SMYD4: variants seen among roughly 807,000 people sequenced by gnomAD.
SMYD4 encodes the protein protein-lysine N-methyltransferase SMYD4.
SMYD4 carries 68 observed loss-of-function variants against 72.8 expected under a neutral mutation model. That is an observed-to-expected ratio of 0.93 (90% CI 0.77 to 1.14). The LOEUF (loss-of-function observed/expected upper bound fraction) is 1.14. SMYD4 is among the 50% of genes most tolerant of loss of function. The probability of loss-of-function intolerance (pLI) is 0.00; values close to 1 mark genes in which losing one functional copy is unlikely to be tolerated. For missense variants in SMYD4, 984 were observed against 1,003.7 expected (o/e 0.98, Z 0.27); for synonymous variants, 407 against 388.6 (o/e 1.05, Z -0.56).
chr17:1,780,465 C>T lies in SMYD4; in HGVS notation c.*821G>A, dbSNP rs906576617. 2 of 152,242 alleles carry T rather than the reference C, an allele frequency of 1.3e-5. No homozygotes were observed. The highest frequency in any genetic ancestry group is 4.8e-5 in the African/African-American group (2 of 41,410). The allele number at this position is 152,242 out of a possible 1,614,324, so 9.4% of individuals were successfully genotyped here. A position where few individuals can be genotyped will look rare whatever the true frequency, so the allele number is the denominator to read the frequency against. ...CTCCTGGGCTCAAGTGATCCTCCCA[C>T]CTCAGCGTCTCAAAGTACTGGGATT... On this transcript the variant is annotated 3_prime_UTR_variant, in exon 11 of 11. Coordinates refer to ENST00000305513, the MANE Select transcript of SMYD4 (RefSeq NM_052928.3).
chr17:1,793,274 C>G (rs1416819815), intron 5 of SMYD4, among the ~76,000 whole-genome samples: 4 of 152,092 alleles, frequency 2.6e-5, no homozygotes, highest in Admixed American at 2.6e-4. Context: ...GAGATATTCC[C>G]TCATTTTGTC....
At chr17:1,829,567 G>A (rs1911411453) in intron 1 of SMYD4, 159 bp downstream of exon 1, 1 of 152,180 alleles carries the variant, frequency 6.6e-6, no homozygotes, top group South Asian at 2.1e-4. Context: ...TTCCCTTTCG[G>A]AGACCCCCCA....
chr17:1,804,691 T>C lies in SMYD4; in HGVS notation c.304A>G (p.Thr102Ala). Residue 102 changes from threonine to alanine, a missense_variant, in exon 4 of 11, where the codon ACT becomes GCT. Physicochemically the swap from Thr to Ala is moderately conservative, Grantham distance 58 (BLOSUM62 0). Coordinates refer to ENST00000305513, the MANE Select transcript of SMYD4 (RefSeq NM_052928.3). ...GCATGACACAGTGACATGTCCTCAG[T>C]GTTAGGCCTTGAATGTGACACTCCC... is the stretch of plus-strand genomic sequence containing the variant. ...SKGVSHSRPNTEDMSLCHANR... is the reference protein window; with the variant it reads ...SKGVSHSRPNAEDMSLCHANR... The C allele has an allele frequency of 1.2e-6, 2 of 1,613,550 alleles. No individual in the cohort carries two copies. The highest frequency in any genetic ancestry group is 1.7e-6 in the Non-Finnish European group (2 of 1,179,628).
At chr17:1,809,438 G>A (rs1433913934) in intron 3 of SMYD4, among the ~76,000 whole-genome samples, 1 of 150,992 alleles carries the variant, frequency 6.6e-6, no homozygotes, top group Non-Finnish European at 1.5e-5. Context: ...GCAGTGGTGC[G>A]ATCTCGGCTC....
At chr17:1,827,507 AGCTGAG>A (rs1308083771) in intron 2 of SMYD4, among the ~76,000 whole-genome samples, 7 of 152,242 alleles carry the variant, frequency 4.6e-5, no homozygotes, top group Non-Finnish European at 8.8e-5. Flanking sequence ...AAGATGGCCC[AGCTGAG>A]GCTCAGGGAG....
intron 3 of SMYD4, among the ~76,000 whole-genome samples, chr17:1,808,212 C>A (rs191927954): frequency 6.6e-6 from 1 of 152,126 alleles, no homozygotes; most frequent in Admixed American, 6.6e-5. Flanking sequence ...ATTATGATCC[C>A]GAACAATTTG....
In SMYD4 at chr17:1,820,603, G is replaced by C. The variant is rs1010769887; in HGVS notation, c.134+7258C>G. On this transcript the variant is annotated intron_variant, in intron 2 of 10. Transcript: ENST00000305513. ...GAGCACGTCCTTGTTTTCTGACACA[G>C]GTTATTCCAGTTGAATCAGCACAAA... Among the ~76,000 whole-genome samples the C allele has an allele frequency of 2.4e-4, 37 of 152,100 alleles. 1 individual carries two copies. The highest frequency in any genetic ancestry group is 8.7e-4 in the African/African-American group (36 of 41,406).
At chr17:1,786,716 A>C (rs958882074) in intron 7 of SMYD4, 94 bp downstream of exon 7, 1 of 1,499,240 alleles carries the variant, frequency 6.7e-7, no homozygotes. Context: ...CTCAGCACTT[A>C]CAAGTCCCTG....
At chr17:1,784,216 A>G (rs1597364434) in intron 8 of SMYD4, 110 bp downstream of exon 8, 2 of 1,513,220 alleles carry the variant, frequency 1.3e-6, no homozygotes. Flanking sequence ...TGGCATGGGG[A>G]TAATTACATC....
At chr17:1,790,357 T>C (rs1483561213) in intron 5 of SMYD4, among the ~76,000 whole-genome samples, 1 of 152,192 alleles carries the variant, frequency 6.6e-6, no homozygotes, top group Non-Finnish European at 1.5e-5. Flanking sequence ...TAAAAATTAC[T>C]CAGTATTGTG....
At chr17:1,809,564 A>G (rs1323870806) in intron 3 of SMYD4, among the ~76,000 whole-genome samples, 1 of 147,196 alleles carries the variant, frequency 6.8e-6, no homozygotes, top group Admixed American at 6.9e-5. Flanking sequence ...TTTAGTAGAG[A>G]CGGGGTTTCA....
rs141269002 is a variant in SMYD4, at chr17:1,783,036, C to T, written c.2260G>A (p.Gly754Arg). 30 of 1,613,662 alleles carry T rather than the reference C, an allele frequency of 1.9e-5. No individual in the cohort carries two copies. The African/African-American group carries it at 2.8e-4, about 15-fold the overall frequency. ...LFKLAQIFFN[G>R]FAVPEALSTI... ...CTGTGAAGTGGGAAAGGGACTCACC[C>T]GTTGAAAAAGATCTGGGCCAATTTG... The change falls in exon 10 of 11, where the codon GGG (glycine) becomes AGG (arginine). Residue 754 changes from glycine (G) to arginine (R), a missense_variant and splice_region_variant. Physicochemically the swap from Gly to Arg is moderately radical, Grantham distance 125. Coordinates refer to ENST00000305513, the MANE Select transcript of SMYD4 (RefSeq NM_052928.3).
chr17:1,796,710 T>C (rs1034081808), intron 5 of SMYD4, among the ~76,000 whole-genome samples: 2 of 151,946 alleles, frequency 1.3e-5, no homozygotes, highest in Non-Finnish European at 2.9e-5. Flanking sequence ...GCTGGGATAA[T>C]AGGTATGAGC....
At position 1,800,035 on chromosome 17, in the gene SMYD4, CT is replaced by C. The variant is rs755710047; in HGVS notation, c.1358del (p.Gln453ArgfsTer2). The C allele has an allele frequency of 5.9e-5, 96 of 1,613,928 alleles. No homozygotes were observed. The highest frequency in any genetic ancestry group is 3.3e-4 in the Middle Eastern group (2 of 6,084). On this transcript the variant is annotated frameshift_variant, in exon 5 of 11. Coordinates refer to ENST00000305513, the MANE Select transcript of SMYD4 (RefSeq NM_052928.3). LOFTEE classifies it high-confidence loss of function. ...TGGCCTGTAAACTGGCTGCTTCTAG[CT>C]GTCTGCACAGTGCAGAAACACAGAG... Reference protein sequence around the residue: ...CALCVSALCRQLEAASLQAIP... With the variant: ...CALCVSALCRXLEAASLQAIP...
chr17:1,818,062 A>AT (rs1910717579), intron 2 of SMYD4, among the ~76,000 whole-genome samples: 1 of 151,790 alleles, frequency 6.6e-6, no homozygotes, highest in Non-Finnish European at 1.5e-5. Context: ...AAAAAAAAAA[A>AT]AAAGTTGTTT....
rs768010236 is a variant in SMYD4, at chr17:1,828,009, A to G, written c.-12-3T>C. 62 of 1,597,458 alleles carry G rather than the reference A, an allele frequency of 3.9e-5. No individual in the cohort carries two copies. The highest frequency in any genetic ancestry group is 4.9e-5 in the Non-Finnish European group (57 of 1,166,668). On this transcript the variant is annotated splice_region_variant and splice_polypyrimidine_tract_variant and intron_variant, in intron 1 of 10. Coordinates refer to ENST00000305513, the MANE Select transcript of SMYD4 (RefSeq NM_052928.3). The stretch of plus-strand genomic sequence containing the variant: ...GGCAGATCCATGCTGCTTTTGATCT[A>G]TAAAATGAGTAAGAAAATAGGAATC...
chr17:1,821,317 C>A (rs1290764285), intron 2 of SMYD4, among the ~76,000 whole-genome samples: 1 of 151,958 alleles, frequency 6.6e-6, no homozygotes, highest in Non-Finnish European at 1.5e-5. Flanking sequence ...GAGTTTGAGA[C>A]CAGCCTGACC....
intron 8 of SMYD4, among the ~76,000 whole-genome samples, chr17:1,784,091 C>A (rs969355334): frequency 2.6e-5 from 4 of 152,360 alleles, no homozygotes; most frequent in Non-Finnish European, 5.9e-5. Context: ...TTCAACTTAG[C>A]AATCAGATGC....
Position 1,787,489 on chromosome 17 carries a change from A to G in SMYD4, c.1653T>C (p.Ile551=). The G allele has an allele frequency of 6.3e-7, 1 of 1,575,402 alleles. No homozygotes were observed. Among genetic ancestry groups the G allele is most frequent in the Non-Finnish European group, 8.6e-7 (1 of 1,160,460 alleles). The change falls in exon 6 of 11, where the codon ATT becomes ATC. Residue 551 remains isoleucine, a synonymous_variant. Transcript: ENST00000305513. ...ACGCCCGGATGGTGGCGACAGTGCT[A>G]ATGAAGGACACGCTGGTGTTGGGGC... The part of the protein sequence containing the change: ...SCSPNTSVSF[I]STVATIRASQ...
Sources: allele counts gnomAD v4.1 joint callset (sites outside exome capture counted in the v4.1 genomes callset), GRCh38; gene constraint gnomAD v4.1.1; transcripts MANE v1.5; gene names NCBI Gene and HGNC (gene_info 2026-07-23, HGNC 2026-07-21).